MYO1F: variants seen among roughly 807,000 people sequenced by gnomAD.
MYO1F encodes unconventional myosin-If.
Under a neutral mutation model 146.6 loss-of-function variants are expected in MYO1F, and 60 were observed. The ratio of observed to expected loss-of-function variants is 0.41; its 90% CI spans 0.33 to 0.51. The LOEUF is 0.51. Among genes scored for constraint, MYO1F ranks in the 20% least tolerant of loss-of-function variants. The pLI is 0.25. For synonymous variants in MYO1F, 602 were observed against 602.1 expected (o/e 1.00, Z 0.00); for missense variants, 1,274 against 1,534.3 (o/e 0.83, Z 2.83).
rs781374288 is a variant in MYO1F, at chr19:8,536,364, C to T, written c.1931G>A (p.Arg644Gln). The T allele has an allele frequency of 1.4e-5, 22 of 1,603,204 alleles. No individual in the cohort carries two copies. The highest frequency in any genetic ancestry group is 8.4e-5 in the Admixed American group (5 of 59,622). ...GCCCTGGCGTTCGTCCCCACGCCAC[C>T]GCGGCCACGTCTCGGGGGTCAGAAT... is the stretch of plus-strand genomic sequence containing the variant. ...YAILTPETWP[R>Q]WRGDERQGVQ... The change falls in exon 19 of 28, where the codon CGG becomes CAG. Residue 644 changes from arginine to glutamine, a missense_variant. By Grantham distance (43) the Arg-to-Gln change is conservative (BLOSUM62 1). Around this residue, in one of 2 missense-constraint regions of MYO1F, gnomAD observed 900 missense variants for 1,155.1 expected, o/e 0.78. Transcript: ENST00000644032.
intron 1 of MYO1F, among the ~76,000 whole-genome samples, chr19:8,561,378 CT>C (rs1414620010): frequency 5.4e-5 from 7 of 129,282 alleles, no homozygotes; most frequent in African/African-American, 1.1e-4. Flanking sequence ...CCCTCCCTCC[CT>C]TCCCCCCTTC....
At chr19:8,545,618 G>A in intron 13 of MYO1F, 32 bp downstream of exon 13, 1 of 1,574,754 alleles carries the variant, frequency 6.4e-7, no homozygotes, top group South Asian at 1.1e-5. Context: ...GGACCAGTGA[G>A]ACGCCCCCGC....
chr19:8,561,375 T>TCCCTTTCC (rs1555729018), intron 1 of MYO1F, among the ~76,000 whole-genome samples: 1 of 62,122 alleles, frequency 1.6e-5, no homozygotes, highest in African/African-American at 7.4e-5. Context: ...CCTCCCTCCC[T>TCCCTTTCC]CCCTTCCCCC....
chr19:8,522,716 C>T lies in MYO1F; in HGVS notation c.2968G>A (p.Gly990Arg). 6.2e-7 allele frequency: 1 copy of T among 1,613,806 alleles called. No homozygotes were observed. Among genetic ancestry groups the T allele is most frequent in the African/African-American group, 1.3e-5 (1 of 75,054 alleles). ...CGTGCCCGGGGTCGTCTGCTGGCTC[C>T]CAGGGATGTGGACGGAGGGCCCCGG... ...PPRGPPSTSLGASRRPRARPP... is the reference protein window; with the variant it reads ...PPRGPPSTSLRASRRPRARPP... Residue 990 changes from glycine to arginine, a missense_variant, in exon 26 of 28, where the codon GGA becomes AGA. Gly to Arg is a moderately radical substitution (Grantham distance 125). This residue lies in a region of MYO1F where 374 missense variants were observed against 379.2 expected (regional missense o/e 0.99). Coordinates refer to ENST00000644032, the MANE Select transcript of MYO1F (RefSeq NM_012335.4).
intron 1 of MYO1F, among the ~76,000 whole-genome samples, chr19:8,565,178 TGAGCCAC>T (rs1568372564): frequency 1.3e-5 from 2 of 152,036 alleles, no homozygotes; most frequent in Admixed American, 1.3e-4. Flanking sequence ...AGTACAGGCG[TGAGCCAC>T]CACGCCTGGC....
In MYO1F at chr19:8,553,729, G is replaced by A. The variant is rs186649365; in HGVS notation, c.327-292C>T. ...CTCTACTAAAATACAAAAATTAGCCGGACATGGTGGTGGGCGCCTGTAATC... is the reference window on the plus strand; with the variant it reads ...CTCTACTAAAATACAAAAATTAGCCAGACATGGTGGTGGGCGCCTGTAATC... On this transcript the variant is annotated intron_variant, in intron 4 of 27. Transcript: ENST00000644032. 3.2e-4 allele frequency among the ~76,000 whole-genome samples: 48 copies of A among 151,832 alleles called. No individual in the cohort carries two copies. The East Asian group carries it at 4.7e-3, about 15-fold the overall frequency.
chr19:8,543,576 G>A (rs965456929), intron 14 of MYO1F, among the ~76,000 whole-genome samples: 2 of 151,990 alleles, frequency 1.3e-5, no homozygotes, highest in African/African-American at 2.4e-5. Context: ...GAGTTGATGT[G>A]TAAGGGAAGC....
intron 14 of MYO1F, among the ~76,000 whole-genome samples, chr19:8,542,932 C>A (rs1005716318): frequency 4.6e-5 from 7 of 150,796 alleles, no homozygotes; most frequent in Non-Finnish European, 8.8e-5. Flanking sequence ...GAGATGGAGT[C>A]TTGCTCTGTT....
chr19:8,527,276 G>C (rs972624541), intron 22 of MYO1F, 62 bp downstream of exon 22: 20 of 1,609,124 alleles, frequency 1.2e-5, no homozygotes, highest in Non-Finnish European at 1.7e-5. Flanking sequence ...GGGGTCACTA[G>C]AATGAGGGCA....
chr19:8,525,068 C>T (rs912247170), intron 25 of MYO1F, among the ~76,000 whole-genome samples: 2 of 151,542 alleles, frequency 1.3e-5, no homozygotes, highest in African/African-American at 2.4e-5. Flanking sequence ...GGCGTGGTGG[C>T]GGGTGCCTGT....
intron 22 of MYO1F, 147 bp from the exon 23 acceptor site, chr19:8,527,082 G>T: frequency 8.9e-7 from 1 of 1,129,392 alleles, no homozygotes; most frequent in Admixed American, 2.1e-5. Context: ...AAAGGGGGAT[G>T]TGGCAAGGAG....
intron 21 of MYO1F, among the ~76,000 whole-genome samples, chr19:8,528,008 G>A (rs901700233): frequency 1.3e-5 from 2 of 152,156 alleles, no homozygotes; most frequent in Admixed American, 1.3e-4. Context: ...CAGATCATGA[G>A]GTCAGGAGTT....
At chr19:8,561,563 CT>C (rs1974128450) in intron 1 of MYO1F, among the ~76,000 whole-genome samples, 1 of 139,650 alleles carries the variant, frequency 7.2e-6, no homozygotes, top group Non-Finnish European at 1.5e-5. Context: ...CCCTCCCCTC[CT>C]CTCCCTCCTT....
At chr19:8,567,699 T>C (rs935777056) in intron 1 of MYO1F, among the ~76,000 whole-genome samples, 1 of 152,200 alleles carries the variant, frequency 6.6e-6, no homozygotes, top group African/African-American at 2.4e-5. Flanking sequence ...ACAGAGAGGT[T>C]AAGTGTCCTC....
Position 8,545,664 on chromosome 19 carries a change from T to C in MYO1F, c.1342A>G (p.Ile448Val), listed in dbSNP as rs780059279. Reference protein sequence around the residue: ...YFNNKVVCDLIENKLSPPGIM... With the variant: ...YFNNKVVCDLVENKLSPPGIM... ...CCAGCCCTCACCAGCTTGTTTTCGATGAGGTCACAGACGACCTTGTTGTTG... is the reference window on the plus strand; with the variant it reads ...CCAGCCCTCACCAGCTTGTTTTCGACGAGGTCACAGACGACCTTGTTGTTG... Residue 448 changes from isoleucine to valine, a missense_variant, in exon 13 of 28, where the codon ATC becomes GTC. Physicochemically the swap from Ile to Val is conservative, Grantham distance 29. Coordinates refer to ENST00000644032, the MANE Select transcript of MYO1F (RefSeq NM_012335.4). 1.2e-6 allele frequency: 2 copies of C among 1,613,288 alleles called. No homozygotes were observed. Among genetic ancestry groups the C allele is most frequent in the Admixed American group, 1.7e-5 (1 of 59,986 alleles).
chr19:8,532,889 G>GA (rs60096210), intron 19 of MYO1F, among the ~76,000 whole-genome samples: 84 of 113,750 alleles, frequency 7.4e-4, no homozygotes, highest in South Asian at 2.8e-3. Flanking sequence ...TCCTGTCTCA[G>GA]AAAAAAAAAA....
chr19:8,545,500 A>G, intron 13 of MYO1F, 150 bp downstream of exon 13: 2 of 745,158 alleles, frequency 2.7e-6, no homozygotes, highest in Non-Finnish European at 5.0e-6. Flanking sequence ...CGGAAGGGAC[A>G]TTTTGGTTGT....
In MYO1F at chr19:8,551,964, T is replaced by G. The variant is rs764590088; in HGVS notation, c.636+69A>C. ...TGCCCTGCCATGCCCCCCTAGGTGT[T>G]TACCTTCCCATTGTCCACCCCGCTG... On this transcript the variant is annotated intron_variant, in intron 7 of 27. Coordinates refer to ENST00000644032, the MANE Select transcript of MYO1F (RefSeq NM_012335.4). 3 of 1,613,822 alleles carry G rather than the reference T, an allele frequency of 1.9e-6. No homozygotes were observed. The South Asian group carries it at 3.3e-5, about 18-fold the overall frequency.
At chr19:8,555,505 C>CA in intron 2 of MYO1F, 154 bp downstream of exon 2, 2 of 1,041,708 alleles carry the variant, frequency 1.9e-6, no homozygotes, top group Non-Finnish European at 2.8e-6. Context: ...CTGCCCCCAA[C>CA]CAGAGCCCTG....
Sources: allele counts gnomAD v4.1 joint callset (sites outside exome capture counted in the v4.1 genomes callset), GRCh38; gene constraint gnomAD v4.1.1; regional missense constraint gnomAD v4.1.1; transcripts MANE v1.5; gene names NCBI Gene and HGNC (gene_info 2026-07-23, HGNC 2026-07-21).